The following FAM117A variants were observed in gnomAD, a reference collection of about 807,000 sequenced individuals.
FAM117A encodes protein FAM117A.
In FAM117A, 21 loss-of-function variants were observed where a neutral mutation model predicts 44.1. The observed-to-expected ratio is 0.48, with a 90% CI of 0.34 to 0.69. FAM117A has a LOEUF of 0.69. Among genes scored for constraint, FAM117A ranks in the 30% least tolerant of loss-of-function variants. The probability of loss-of-function intolerance (pLI) is 0.01; values close to 1 mark genes in which losing one functional copy is unlikely to be tolerated. For synonymous variants in FAM117A, 220 were observed against 238.3 expected (o/e 0.92, Z 0.71); for missense variants, 498 against 589.9 (o/e 0.84, Z 1.61).
At chr17:49,739,467 A>T (rs560222872) in intron 1 of FAM117A, among the ~76,000 whole-genome samples, 2 of 152,170 alleles carry the variant, frequency 1.3e-5, no homozygotes, top group African/African-American at 2.4e-5. Flanking sequence ...CTGCTGCCCA[A>T]TGAGATTGAC....
intron 1 of FAM117A, among the ~76,000 whole-genome samples, chr17:49,739,526 GA>G (rs1201546120): frequency 1.3e-5 from 2 of 152,200 alleles, no homozygotes; most frequent in African/African-American, 4.8e-5. Flanking sequence ...GCCTAGTTGA[GA>G]TAGAGGCTCT....
chr17:49,734,380 C>T (rs984130077), intron 1 of FAM117A, among the ~76,000 whole-genome samples: 1 of 151,490 alleles, frequency 6.6e-6, no homozygotes, highest in Non-Finnish European at 1.5e-5. Flanking sequence ...ATCACGAGGT[C>T]GGGAGATCGA....
upstream of FAM117A, among the ~76,000 whole-genome samples, chr17:49,764,478 T>G (rs755595421): frequency 2.4e-4 from 11 of 45,506 alleles, no homozygotes; most frequent in Non-Finnish European, 1.3e-3. Flanking sequence ...GACGTCAGGC[T>G]GAGCTGGAGA....
intron 1 of FAM117A, among the ~76,000 whole-genome samples, chr17:49,779,485 T>G (rs1598039456): frequency 6.6e-6 from 1 of 152,020 alleles, no homozygotes; most frequent in South Asian, 2.1e-4. Flanking sequence ...AGGGGCAGGG[T>G]GGAGGGTGGG....
intron 1 of FAM117A, among the ~76,000 whole-genome samples, chr17:49,770,468 A>C (rs1216394487): frequency 6.6e-6 from 1 of 152,156 alleles, no homozygotes; most frequent in Non-Finnish European, 1.5e-5. Flanking sequence ...AGAGAGAGCA[A>C]GCAGATTTGT....
intron 1 of FAM117A, among the ~76,000 whole-genome samples, chr17:49,736,135 T>C (rs1297225398): frequency 1.3e-5 from 2 of 152,242 alleles, no homozygotes; most frequent in Non-Finnish European, 2.9e-5. Flanking sequence ...GATTATACTG[T>C]ACGTATTGTT....
At chr17:49,734,927 TTC>T (rs2143740184) in intron 1 of FAM117A, among the ~76,000 whole-genome samples, 1 of 152,280 alleles carries the variant, frequency 6.6e-6, no homozygotes, top group South Asian at 2.1e-4. Context: ...AGGACAAATA[TTC>T]TGTTTTTCTT....
At chr17:49,766,921 G>A (rs2073747370), upstream of FAM117A, among the ~76,000 whole-genome samples, 1 of 152,184 alleles carries the variant, frequency 6.6e-6, no homozygotes, top group Admixed American at 6.5e-5. Context: ...CCAAAGCCAA[G>A]GTACCAGAAA....
intron 2 of FAM117A, among the ~76,000 whole-genome samples, chr17:49,729,217 C>T (rs1272118092): frequency 6.6e-6 from 1 of 152,168 alleles, no homozygotes; most frequent in Non-Finnish European, 1.5e-5. Context: ...GGGCCCTGGT[C>T]TCCTCTCAGG....
intron 1 of FAM117A, among the ~76,000 whole-genome samples, chr17:49,760,427 C>G (rs1252427521): frequency 6.6e-6 from 1 of 152,222 alleles, no homozygotes; most frequent in East Asian, 1.9e-4. Flanking sequence ...ACTCCACCAC[C>G]GACAGCACAA....
intron 1 of FAM117A, among the ~76,000 whole-genome samples, chr17:49,777,567 G>C (rs2073778630): frequency 6.6e-6 from 1 of 152,050 alleles, no homozygotes; most frequent in Non-Finnish European, 1.5e-5. Flanking sequence ...CAGCTTAATA[G>C]CTGTTTTTGG....
At chr17:49,766,843 G>A (rs1412202377), upstream of FAM117A, among the ~76,000 whole-genome samples, 1 of 152,196 alleles carries the variant, frequency 6.6e-6, no homozygotes, top group African/African-American at 2.4e-5. Context: ...TTATCGTACA[G>A]ATGCTTCCTT....
chr17:49,764,673 TCA>T (rs2073739608), upstream of FAM117A, among the ~76,000 whole-genome samples: 1 of 152,240 alleles, frequency 6.6e-6, no homozygotes, highest in Non-Finnish European at 1.5e-5. Context: ...TTATAGGATC[TCA>T]GTGCTACTTA....
Position 49,733,891 on chromosome 17 carries a change from C to G in FAM117A, c.197-1171G>C, listed in dbSNP as rs1270191404. ...GGCGTGGTGGCTCAAGCCTGTAACC[C>G]CAGCACTTTGGGAGGTCGAGGCAGG... On this transcript the variant is annotated intron_variant, in intron 1 of 7. Coordinates refer to ENST00000240364, the MANE Select transcript of FAM117A (RefSeq NM_030802.4). Among the ~76,000 whole-genome samples, 2 of 152,012 alleles carry G rather than the reference C, an allele frequency of 1.3e-5. 1 individual carries two copies. Among genetic ancestry groups the G allele is most frequent in the African/African-American group, 4.8e-5 (2 of 41,396 alleles).
At chr17:49,744,445 G>A (rs112383080) in intron 1 of FAM117A, among the ~76,000 whole-genome samples, 45 of 150,760 alleles carry the variant, frequency 3.0e-4, no homozygotes, top group South Asian at 1.0e-3. Flanking sequence ...TCAGCCTCCC[G>A]GGTAGCTGGG....
At chr17:49,784,533 T>C (rs1436321539) in intron 1 of FAM117A, among the ~76,000 whole-genome samples, 1 of 152,226 alleles carries the variant, frequency 6.6e-6, no homozygotes, top group South Asian at 2.1e-4. Flanking sequence ...ATGCCTCTTA[T>C]GTACCCTCCC....
rs1263218254 is a variant in FAM117A, at chr17:49,750,292, AC to A, written c.196+13599del. On this transcript the variant is annotated intron_variant, in intron 1 of 7. Transcript: ENST00000240364. ...CTCACATGCAGACACACACACACAC[AC>A]TTTCCTTCATTGAGTTTCCTTGTGT... 6.0e-5 allele frequency among the ~76,000 whole-genome samples: 9 copies of A among 148,862 alleles called. No homozygotes were observed. In the East Asian group the frequency reaches 1.7e-3, roughly 29 times the overall value.
intron 7 of FAM117A, among the ~76,000 whole-genome samples, chr17:49,711,794 G>T (rs2073479873): frequency 6.6e-6 from 1 of 152,160 alleles, no homozygotes; most frequent in Non-Finnish European, 1.5e-5. Flanking sequence ...ACAGGAAGGA[G>T]AACTTCCTGA....
At chr17:49,727,899 G>C (rs1171695264) in intron 2 of FAM117A, among the ~76,000 whole-genome samples, 1 of 152,324 alleles carries the variant, frequency 6.6e-6, no homozygotes, top group East Asian at 1.9e-4. Context: ...CTGTCAAGCA[G>C]CATGGTGCCT....
Sources: allele counts gnomAD v4.1 joint callset (sites outside exome capture counted in the v4.1 genomes callset), GRCh38; gene constraint gnomAD v4.1.1; transcripts MANE v1.5; gene names NCBI Gene and HGNC (gene_info 2026-07-23, HGNC 2026-07-21).